MLLT3: variants seen among roughly 807,000 people sequenced by gnomAD.
The protein encoded by MLLT3 is protein AF-9.
A neutral mutation model predicts 53.2 loss-of-function variants in MLLT3; 4 were observed. The ratio of observed to expected loss-of-function variants is 0.08; its 90% CI spans 0.04 to 0.17. The LOEUF is 0.17. Ranked by LOEUF, MLLT3 falls within the 10% of genes least tolerant of loss-of-function variation. MLLT3 has a pLI of 1.00. For synonymous variants in MLLT3, 283 were observed against 230.6 expected (o/e 1.23, Z -2.06); for missense variants, 569 against 684.0 (o/e 0.83, Z 1.87).
At chr9:20,519,905 C>T (rs534253258) in intron 2 of MLLT3, among the ~76,000 whole-genome samples, 1 of 152,216 alleles carries the variant, frequency 6.6e-6, no homozygotes, top group South Asian at 2.1e-4. Flanking sequence ...TGTATATGTT[C>T]ACTGCAGCAC....
chr9:20,511,267 AC>A (rs1445967358), intron 2 of MLLT3, among the ~76,000 whole-genome samples: 1 of 152,300 alleles, frequency 6.6e-6, no homozygotes, highest in East Asian at 1.9e-4. Context: ...TTTAAAAAAA[AC>A]TTCAAGAAAA....
intron 2 of MLLT3, among the ~76,000 whole-genome samples, chr9:20,522,211 T>C (rs1431029450): frequency 2.0e-5 from 3 of 148,674 alleles, no homozygotes; most frequent in Admixed American, 1.3e-4. Context: ...ACAAGTTCCA[T>C]AGAGAAGACT....
intron 5 of MLLT3, among the ~76,000 whole-genome samples, chr9:20,369,311 C>T (rs1821533991): frequency 6.6e-6 from 1 of 152,198 alleles, no homozygotes; most frequent in Admixed American, 6.5e-5. Context: ...GTGAAAACTA[C>T]AGGATGAGGC....
Position 20,583,975 on chromosome 9 carries a change from CATT to C in MLLT3, c.193+36676_193+36678del, listed in dbSNP as rs979813588. Among the ~76,000 whole-genome samples the C allele has an allele frequency of 2.0e-4, 31 of 152,314 alleles. 1 individual carries two copies. The Middle Eastern group carries it at 0.01, about 50-fold the overall frequency. ...GAAAATGGGGTTTTCTTTTCTATCA[CATT>C]ATCAGGCTGCAAATTTTTGAAACTT... On this transcript the variant is annotated intron_variant, in intron 2 of 10. Transcript: ENST00000380338.
intron 4 of MLLT3, among the ~76,000 whole-genome samples, chr9:20,444,436 A>G (rs1029206015): frequency 1.3e-5 from 2 of 152,176 alleles, no homozygotes; most frequent in Non-Finnish European, 2.9e-5. Context: ...CCAATCAAAG[A>G]ATAAAGATCT....
At chr9:20,610,294 T>C (rs1820669999) in intron 2 of MLLT3, among the ~76,000 whole-genome samples, 1 of 152,182 alleles carries the variant, frequency 6.6e-6, no homozygotes, top group Non-Finnish European at 1.5e-5. Context: ...TGTCTAGCTT[T>C]TCTTTTTAAG....
chr9:20,406,773 C>G lies in MLLT3; in HGVS notation c.1125+6948G>C, dbSNP rs190683362. Among the ~76,000 whole-genome samples the G allele has an allele frequency of 2.0e-5, 3 of 152,306 alleles. No homozygotes were observed. The East Asian group carries it at 5.8e-4, about 29-fold the overall frequency. ...CCCTGTACTCCCACATCCCTAACCT[C>G]TATATTTTCAGAATTCAAAGATAAA... is the stretch of plus-strand genomic sequence containing the variant. On this transcript the variant is annotated intron_variant, in intron 5 of 10. Transcript: ENST00000380338.
At chr9:20,517,841 G>GA (rs1011267220) in intron 2 of MLLT3, among the ~76,000 whole-genome samples, 61 of 144,360 alleles carry the variant, frequency 4.2e-4, no homozygotes, top group Middle Eastern at 3.4e-3. Context: ...TCTGTCTCAG[G>GA]AAAAAAAAAA....
intron 4 of MLLT3, among the ~76,000 whole-genome samples, chr9:20,447,388 A>G (rs1388617625): frequency 1.3e-5 from 2 of 152,220 alleles, no homozygotes; most frequent in Non-Finnish European, 2.9e-5. Flanking sequence ...GTGCCCACAT[A>G]ATATGACACA....
intron 2 of MLLT3, among the ~76,000 whole-genome samples, chr9:20,547,117 A>G (rs1273801398): frequency 6.6e-6 from 1 of 152,156 alleles, no homozygotes; most frequent in Non-Finnish European, 1.5e-5. Context: ...CATTAACATA[A>G]TATTTTATTT....
At chr9:20,613,919 C>A (rs548508137) in intron 2 of MLLT3, among the ~76,000 whole-genome samples, 1 of 152,214 alleles carries the variant, frequency 6.6e-6, no homozygotes, top group East Asian at 1.9e-4. Flanking sequence ...TTAGAAAAAC[C>A]ATTAAAATGA....
intron 2 of MLLT3, among the ~76,000 whole-genome samples, chr9:20,577,342 T>C (rs1470885511): frequency 1.3e-5 from 2 of 152,198 alleles, no homozygotes; most frequent in African/African-American, 4.8e-5. Context: ...CTGAGATCTT[T>C]CAAAACACAA....
intron 2 of MLLT3, among the ~76,000 whole-genome samples, chr9:20,486,727 T>C (rs1167880236): frequency 1.3e-5 from 2 of 152,212 alleles, no homozygotes; most frequent in Non-Finnish European, 2.9e-5. Context: ...TTAATATCTA[T>C]GAGATTTAAA....
intron 2 of MLLT3, among the ~76,000 whole-genome samples, chr9:20,603,065 C>G (rs925933149): frequency 6.6e-6 from 1 of 152,002 alleles, no homozygotes; most frequent in South Asian, 2.1e-4. Context: ...ACCTTTGCAC[C>G]TAAAATCTGC....
intron 4 of MLLT3, among the ~76,000 whole-genome samples, chr9:20,446,937 A>G (rs968588363): frequency 1.3e-5 from 2 of 152,170 alleles, no homozygotes; most frequent in Admixed American, 6.5e-5. Context: ...TTAAACCATA[A>G]TCTATTGACA....
intron 2 of MLLT3, among the ~76,000 whole-genome samples, chr9:20,600,384 G>A (rs939338977): frequency 5.3e-5 from 8 of 152,176 alleles, no homozygotes; most frequent in African/African-American, 1.7e-4. Flanking sequence ...CATAGATGGT[G>A]CTCAATGTTG....
chr9:20,392,503 T>A (rs1822213103), intron 5 of MLLT3, among the ~76,000 whole-genome samples: 1 of 152,180 alleles, frequency 6.6e-6, no homozygotes, highest in Non-Finnish European at 1.5e-5. Flanking sequence ...CTAAGGCCCA[T>A]CTCCCTTTTC....
At chr9:20,471,529 G>A (rs1824395473) in intron 2 of MLLT3, among the ~76,000 whole-genome samples, 1 of 152,124 alleles carries the variant, frequency 6.6e-6, no homozygotes, top group African/African-American at 2.4e-5. Context: ...ACATTTCCTA[G>A]CTGTAGTAAT....
At chr9:20,434,466 G>A (rs375265712) in intron 4 of MLLT3, among the ~76,000 whole-genome samples, 1 of 152,108 alleles carries the variant, frequency 6.6e-6, no homozygotes. Flanking sequence ...ATGCACAGTG[G>A]ACTAAGGGAC....
Sources: gnomAD v4.1 joint callset for allele counts (sites outside exome capture counted in the v4.1 genomes callset) on GRCh38, gnomAD v4.1.1 for gene constraint, MANE v1.5 for transcripts, NCBI Gene and HGNC (gene_info 2026-07-23, HGNC 2026-07-21) for gene names.